WAPL: variants seen among roughly 807,000 people sequenced by gnomAD.
WAPL encodes the protein wings apart-like protein homolog.
WAPL carries 5 observed loss-of-function variants against 121.0 expected under a neutral mutation model. That is an observed-to-expected ratio of 0.04 (90% confidence interval 0.02 to 0.09). The LOEUF (loss-of-function observed/expected upper bound fraction) is 0.09, where lower values mean the gene tolerates loss of function less well. Among genes scored for constraint, WAPL ranks in the 10% least tolerant of loss-of-function variants. The pLI is 1.00. For synonymous variants in WAPL, 480 were observed against 481.5 expected, an observed-to-expected ratio of 1.00 and a Z score of 0.04; for missense variants, 999 against 1,410.8, an observed-to-expected ratio of 0.71 and a Z score of 4.68.
chr10:86,508,045 G>C (rs556264830), intron 2 of WAPL, among the ~76,000 whole-genome samples: 1 of 152,086 alleles, frequency 6.6e-6, no homozygotes, highest in South Asian at 2.1e-4. Flanking sequence ...GGGCCTACTA[G>C]AGGAGGAGGA....
At chr10:86,442,221 A>G (rs1002677920) in intron 17 of WAPL, among the ~76,000 whole-genome samples, 1 of 152,138 alleles carries the variant, frequency 6.6e-6, no homozygotes, top group East Asian at 1.9e-4. Flanking sequence ...TAGTAGAGAC[A>G]TGGTTCTGCC....
At chr10:86,460,363 CTGAA>C in intron 11 of WAPL, 32 bp downstream of exon 11, 1 of 1,535,588 alleles carries the variant, frequency 6.5e-7, no homozygotes, top group Non-Finnish European at 9.0e-7. Context: ...ACAATTAAGA[CTGAA>C]TAATTTTTGC....
At chr10:86,452,564 C>T (rs886893376) in intron 14 of WAPL, among the ~76,000 whole-genome samples, 2 of 151,182 alleles carry the variant, frequency 1.3e-5, no homozygotes, top group African/African-American at 4.9e-5. Context: ...TGCACTCCAG[C>T]CTGGGCAAGA....
intron 2 of WAPL, 122 bp from the exon 3 acceptor site, chr10:86,500,865 G>T: frequency 1.2e-6 from 1 of 850,002 alleles, no homozygotes; most frequent in Non-Finnish European, 1.7e-6. Context: ...ATAATTTTAA[G>T]TTGTGAAGAA....
chr10:86,476,316 G>A (rs1165197805), intron 4 of WAPL, among the ~76,000 whole-genome samples: 1 of 152,230 alleles, frequency 6.6e-6, no homozygotes, highest in Non-Finnish European at 1.5e-5. Flanking sequence ...AGTGATCTGA[G>A]ATGGTGCCAT....
In WAPL at chr10:86,437,433, T is replaced by C. The variant is rs2132159879; in HGVS notation, c.*110A>G. Reference sequence around the variant, plus strand: ...GCCTTAAAAATCCAAACACGAATGATACTGATGAATGTTCTTGGTATATCT... The same window carrying C: ...GCCTTAAAAATCCAAACACGAATGACACTGATGAATGTTCTTGGTATATCT... On this transcript the variant is annotated 3_prime_UTR_variant, in exon 19 of 19. Transcript: ENST00000298767. 8.7e-7 allele frequency: 1 copy of C among 1,152,640 alleles called. No individual in the cohort carries two copies. Among genetic ancestry groups the C allele is most frequent in the Non-Finnish European group, 1.2e-6 (1 of 819,600 alleles). 71.4% of individuals were successfully genotyped at this position (1,152,640 alleles called of 1,614,324 possible).
At chr10:86,505,320 T>TTTTTTTTTTTC (rs1842327905) in intron 2 of WAPL, among the ~76,000 whole-genome samples, 1 of 143,132 alleles carries the variant, frequency 7.0e-6, no homozygotes, top group Non-Finnish European at 1.5e-5. Context: ...TTTTTTTTTT[T>TTTTTTTTTTTC]TTTTTGGAGA....
chr10:86,502,369 T>C (rs1163492477), intron 2 of WAPL, among the ~76,000 whole-genome samples: 1 of 152,244 alleles, frequency 6.6e-6, no homozygotes, highest in Non-Finnish European at 1.5e-5. Flanking sequence ...TTGAATTTTA[T>C]ACTGCATGTA....
rs1849365144 is a variant in WAPL at position 86,437,923 on chromosome 10, G to A, written c.3504C>T (p.Leu1168=). The A allele has an allele frequency of 6.2e-7, 1 of 1,603,100 alleles. No individual in the cohort carries two copies. Among genetic ancestry groups the A allele is most frequent in the African/African-American group, 1.3e-5 (1 of 74,762 alleles). Residue 1168 remains leucine (L), a synonymous_variant, in exon 18 of 19, where the codon CTC becomes CTT. Coordinates refer to ENST00000298767, the MANE Select transcript of WAPL (RefSeq NM_015045.5). ...AGCTGTAATAAAAGCTACTTACAGT[G>A]AGATTCATAAAACTCAAAAATTTTT... ...MLKKFLSFMN[L]TCAVGTTGQK...
At chr10:86,456,244 C>T (rs1217137765) in intron 12 of WAPL, among the ~76,000 whole-genome samples, 3 of 152,108 alleles carry the variant, frequency 2.0e-5, no homozygotes, top group Non-Finnish European at 1.5e-5. Context: ...TTCCATTTCA[C>T]GTCTACTAAA....
intron 4 of WAPL, among the ~76,000 whole-genome samples, chr10:86,488,252 T>C (rs918732409): frequency 3.9e-5 from 6 of 152,232 alleles, no homozygotes; most frequent in Admixed American, 2.6e-4. Flanking sequence ...TATTTTTACA[T>C]GTTTCCTAGC....
chr10:86,462,802 A>G (rs1841316196), intron 9 of WAPL, among the ~76,000 whole-genome samples: 1 of 151,812 alleles, frequency 6.6e-6, no homozygotes, highest in South Asian at 2.1e-4. Flanking sequence ...AACAGATACA[A>G]TTGTGCCCAT....
chr10:86,481,633 A>G (rs985172763), intron 4 of WAPL, among the ~76,000 whole-genome samples: 2 of 152,112 alleles, frequency 1.3e-5, no homozygotes, highest in African/African-American at 4.8e-5. Context: ...TTGGCATCCC[A>G]AAGAGCTGGG....
intron 16 of WAPL, among the ~76,000 whole-genome samples, chr10:86,444,394 A>G (rs1366763403): frequency 6.6e-6 from 1 of 152,252 alleles, no homozygotes; most frequent in African/African-American, 2.4e-5. Flanking sequence ...AAACTTGTAG[A>G]TAACTGTTCA....
intron 2 of WAPL, among the ~76,000 whole-genome samples, chr10:86,510,350 G>T (rs1157685289): frequency 6.6e-6 from 1 of 152,112 alleles, no homozygotes; most frequent in Non-Finnish European, 1.5e-5. Flanking sequence ...GGGATTACAG[G>T]TGTGAGCCAC....
chr10:86,479,618 GTTTTAAAAACTATGTGCTATATGAAGAC>G (rs1225628331), intron 4 of WAPL, among the ~76,000 whole-genome samples: 2 of 152,176 alleles, frequency 1.3e-5, no homozygotes, highest in East Asian at 3.8e-4. Flanking sequence ...TTATTTATAC[GTTTTAAAAACTATGTGCTATATGAAGAC>G]AAAATAGTAA....
At chr10:86,487,850 G>A (rs750313930) in intron 4 of WAPL, among the ~76,000 whole-genome samples, 1 of 152,064 alleles carries the variant, frequency 6.6e-6, no homozygotes, top group Admixed American at 6.6e-5. Flanking sequence ...AGCTGAGATC[G>A]CACCACTGCA....
At position 86,438,033 on chromosome 10, in the gene WAPL, GAA is replaced by G; in HGVS notation, c.3412-20_3412-19del. On this transcript the variant is annotated intron_variant, in intron 17 of 18. Coordinates refer to ENST00000298767, the MANE Select transcript of WAPL (RefSeq NM_015045.5). The stretch of plus-strand genomic sequence containing the variant: ...ACATTGATCTGAGGAAACAGAGCAA[GAA>G]ATATTGGTCAGCTGGCAGAAAACAT... 1 of 1,584,876 alleles carries G rather than the reference GAA, an allele frequency of 6.3e-7. No homozygotes were observed. Among genetic ancestry groups the G allele is most frequent in the South Asian group, 1.1e-5 (1 of 89,342 alleles).
intron 2 of WAPL, among the ~76,000 whole-genome samples, chr10:86,505,300 CTTTTTTTTTTTTTT>C (rs531404303): frequency 4.5e-5 from 2 of 44,638 alleles, no homozygotes; most frequent in African/African-American, 8.6e-5. Context: ...GTGCCCAACT[CTTTTTTTTTTTTTT>C]TTTTTTTTTT....
Sources: allele counts gnomAD v4.1 joint callset (sites outside exome capture counted in the v4.1 genomes callset), GRCh38; gene constraint gnomAD v4.1.1; transcripts MANE v1.5; gene names NCBI Gene and HGNC (gene_info 2026-07-23, HGNC 2026-07-21).